SOX5: variants seen among roughly 807,000 people sequenced by gnomAD.
SOX5 encodes SRY-box transcription factor 5.
Under a neutral mutation model 92.0 loss-of-function variants are expected in SOX5, and 9 were observed. The ratio of observed to expected loss-of-function variants is 0.10; its 90% CI spans 0.06 to 0.17. SOX5 has a LOEUF of 0.17. SOX5 is among the 10% of genes least tolerant of loss of function. The pLI is 1.00. For missense variants in SOX5, 642 were observed against 944.5 expected, an observed-to-expected ratio of 0.68 and a Z score of 4.20; for synonymous variants, 344 against 336.3, an observed-to-expected ratio of 1.02 and a Z score of -0.25.
intron 3 of SOX5, among the ~76,000 whole-genome samples, chr12:23,840,347 T>C (rs2096497088): frequency 6.6e-6 from 1 of 152,094 alleles, no homozygotes; most frequent in Non-Finnish European, 1.5e-5. Flanking sequence ...TACTCATAAA[T>C]AGGGAGACAT....
intron 11 of SOX5, among the ~76,000 whole-genome samples, chr12:23,554,603 G>GAAC (rs1944792344): frequency 6.6e-6 from 1 of 152,060 alleles, no homozygotes; most frequent in South Asian, 2.1e-4. Context: ...TACAGAGTGA[G>GAAC]AACAAAATAT....
chr12:24,209,409 A>G (rs1958355802), intron 4 of SOX5, among the ~76,000 whole-genome samples: 1 of 152,228 alleles, frequency 6.6e-6, no homozygotes, highest in Non-Finnish European at 1.5e-5. Context: ...CTTATGACTG[A>G]AAAGGAAAGA....
intron 10 of SOX5, among the ~76,000 whole-genome samples, chr12:23,573,094 C>T (rs1948612371): frequency 6.6e-6 from 1 of 151,740 alleles, no homozygotes; most frequent in Non-Finnish European, 1.5e-5. Flanking sequence ...AGGGTTAATC[C>T]CTTCCCATCA....
At chr12:23,972,454 T>C (rs939391262) in intron 4 of SOX5, among the ~76,000 whole-genome samples, 3 of 152,056 alleles carry the variant, frequency 2.0e-5, no homozygotes, top group African/African-American at 7.2e-5. Flanking sequence ...ACCTCCTGGG[T>C]TCAAGTGATT....
At chr12:23,790,548 T>TCTCTCA (rs1340837266) in intron 3 of SOX5, among the ~76,000 whole-genome samples, 72 of 137,380 alleles carry the variant, frequency 5.2e-4, no homozygotes, top group African/African-American at 1.7e-3. Context: ...TCTCAATCTC[T>TCTCTCA]CACACACACA....
intron 4 of SOX5, among the ~76,000 whole-genome samples, chr12:24,159,058 TG>T (rs1952490346): frequency 6.6e-6 from 1 of 151,920 alleles, no homozygotes; most frequent in South Asian, 2.1e-4. Flanking sequence ...ATATGATGTG[TG>T]TTGGCATGAA....
intron 4 of SOX5, among the ~76,000 whole-genome samples, chr12:24,178,951 G>A (rs1323773130): frequency 6.6e-6 from 1 of 152,120 alleles, no homozygotes; most frequent in East Asian, 1.9e-4. Flanking sequence ...GACGATTTCA[G>A]TATATATAAC....
chr12:24,203,024 T>C (rs1158405462), intron 4 of SOX5, among the ~76,000 whole-genome samples: 2 of 152,226 alleles, frequency 1.3e-5, no homozygotes, highest in Admixed American at 1.3e-4. Context: ...GAAACTATTA[T>C]GACTGTGGTG....
chr12:24,500,776 C>T (rs546724340), intron 1 of SOX5, among the ~76,000 whole-genome samples: 2 of 152,166 alleles, frequency 1.3e-5, no homozygotes, highest in Non-Finnish European at 2.9e-5. Context: ...TTTGGCTTCT[C>T]CCAAACAAAT....
chr12:23,918,925 G>GAAAAAAAAAAAAAAAAAAAA (rs111430391), intron 1 of SOX5, among the ~76,000 whole-genome samples: 1 of 126,646 alleles, frequency 7.9e-6, no homozygotes, highest in African/African-American at 2.8e-5. Context: ...TCAAAAAAAA[G>GAAAAAAAAAAAAAAAAAAAA]AAAAAAAAAG....
At chr12:24,549,952 G>T (rs1952994066) in intron 1 of SOX5, among the ~76,000 whole-genome samples, 1 of 152,086 alleles carries the variant, frequency 6.6e-6, no homozygotes, top group Non-Finnish European at 1.5e-5. Context: ...TAGAAGAAAG[G>T]GGAAAATGCA....
chr12:24,485,183 G>A (rs994599134), intron 1 of SOX5, among the ~76,000 whole-genome samples: 3 of 152,098 alleles, frequency 2.0e-5, no homozygotes, highest in South Asian at 2.1e-4. Context: ...GAACAAAGCC[G>A]GTAAAATGTG....
intron 6 of SOX5, among the ~76,000 whole-genome samples, chr12:23,726,622 A>G (rs539890577): frequency 3.3e-5 from 5 of 152,298 alleles, no homozygotes; most frequent in Non-Finnish European, 7.4e-5. Flanking sequence ...GGGCGTATAT[A>G]AGCAATGATA....
intron 4 of SOX5, among the ~76,000 whole-genome samples, chr12:24,068,788 A>G (rs12368767): frequency 0.06 from 8,677 of 144,064 alleles, 368 homozygotes; most frequent in Non-Finnish European, 0.092. Flanking sequence ...TCCAAGATAA[A>G]TAGGTATTAC....
chr12:23,570,505 T>C (rs1265753384), intron 10 of SOX5, among the ~76,000 whole-genome samples: 1 of 152,048 alleles, frequency 6.6e-6, no homozygotes, highest in East Asian at 1.9e-4. Context: ...AACCTGGGCA[T>C]GGTGACTCAT....
intron 4 of SOX5, among the ~76,000 whole-genome samples, chr12:23,956,571 T>C (rs575865364): frequency 1.8e-4 from 28 of 152,218 alleles, no homozygotes; most frequent in African/African-American, 6.5e-4. Flanking sequence ...CCCACCCCCA[T>C]GGAAAAATTG....
At position 23,627,461 on chromosome 12, in the gene SOX5, A is replaced by G. The variant is rs1040961674; in HGVS notation, c.1017+13351T>C. ...GCAGAATATAATTTCTGCATCCAAG[A>G]AAGTTACTTGCTAACTTGAAATATG... On this transcript the variant is annotated intron_variant, in intron 8 of 14. Coordinates refer to ENST00000451604, the MANE Select transcript of SOX5 (RefSeq NM_006940.6). Among the ~76,000 whole-genome samples, 6 of 152,286 alleles carry G rather than the reference A, an allele frequency of 3.9e-5. No individual in the cohort carries two copies. The South Asian group carries it at 1.2e-3, about 32-fold the overall frequency.
chr12:23,713,780 C>T (rs2092273314), intron 6 of SOX5, among the ~76,000 whole-genome samples: 1 of 147,986 alleles, frequency 6.8e-6, no homozygotes, highest in Non-Finnish European at 1.5e-5. Context: ...CTATGACTAG[C>T]ATTATTTAAT....
intron 6 of SOX5, among the ~76,000 whole-genome samples, chr12:23,685,789 A>C (rs1195437926): frequency 6.6e-6 from 1 of 152,122 alleles, no homozygotes; most frequent in Admixed American, 6.6e-5. Context: ...TATCAAAATA[A>C]TTTGAAACTA....
Sources: allele counts gnomAD v4.1 joint callset (sites outside exome capture counted in the v4.1 genomes callset), GRCh38; gene constraint gnomAD v4.1.1; transcripts MANE v1.5; gene names NCBI Gene and HGNC (gene_info 2026-07-23, HGNC 2026-07-21).